The following R3HDM2 variants were observed in gnomAD, a reference collection of about 807,000 sequenced individuals.
The protein encoded by R3HDM2 is R3H domain containing 2, also known as R3H domain-containing protein 2.
In R3HDM2, 38 loss-of-function variants were observed where a neutral mutation model predicts 124.5. That is an observed-to-expected ratio of 0.31 (90% CI 0.24 to 0.40). The LOEUF (loss-of-function observed/expected upper bound fraction) is 0.40. R3HDM2 is among the 10% of genes least tolerant of loss of function. R3HDM2 has a pLI of 1.00. For synonymous variants in R3HDM2, 391 were observed against 448.0 expected, an observed-to-expected ratio of 0.87 and a Z score of 1.61; for missense variants, 869 against 1,236.9, an observed-to-expected ratio of 0.70 and a Z score of 4.46.
At chr12:57,266,553 T>C (rs2042468655) in intron 19 of R3HDM2, among the ~76,000 whole-genome samples, 178 bp downstream of exon 19, 1 of 152,144 alleles carries the variant, frequency 6.6e-6, no homozygotes, top group Non-Finnish European at 1.5e-5. Flanking sequence ...TCTTGAGAGG[T>C]CAGCTTCAGT....
At chr12:57,387,183 C>G (rs922964562) in intron 2 of R3HDM2, among the ~76,000 whole-genome samples, 1 of 152,078 alleles carries the variant, frequency 6.6e-6, no homozygotes, top group Non-Finnish European at 1.5e-5. Context: ...CAGTGGCAAC[C>G]GGCTGGGGTC....
intron 2 of R3HDM2, among the ~76,000 whole-genome samples, chr12:57,322,337 G>A (rs1326836160): frequency 6.6e-6 from 1 of 152,088 alleles, no homozygotes; most frequent in Non-Finnish European, 1.5e-5. Context: ...CAAACAGTAG[G>A]AACAAACATC....
At chr12:57,391,311 A>G (rs899791325) in intron 2 of R3HDM2, among the ~76,000 whole-genome samples, 3 of 152,218 alleles carry the variant, frequency 2.0e-5, no homozygotes, top group Admixed American at 6.5e-5. Flanking sequence ...CAGATAATTA[A>G]GCTAAGTGGG....
intron 2 of R3HDM2, among the ~76,000 whole-genome samples, chr12:57,354,944 C>T (rs1264342033): frequency 1.3e-5 from 2 of 152,096 alleles, no homozygotes; most frequent in East Asian, 3.9e-4. Context: ...CCCACCTCAG[C>T]CTCCTGAGTA....
rs377679428 is a variant in R3HDM2, at chr12:57,310,256, A to G, written c.165+8T>C. The G allele has an allele frequency of 5.9e-5, 90 of 1,517,994 alleles. No individual in the cohort carries two copies. Among genetic ancestry groups the G allele is most frequent in the African/African-American group, 4.4e-4 (31 of 70,524 alleles). The allele number at this position is 1,517,994 out of a possible 1,614,324, so 94.0% of individuals were successfully genotyped here. A position where few individuals can be genotyped will look rare whatever the true frequency, so the allele number is the denominator to read the frequency against. On this transcript the variant is annotated splice_region_variant and intron_variant, in intron 3 of 23. Coordinates refer to ENST00000402412, the MANE Select transcript of R3HDM2 (RefSeq NM_001394031.1). ...AAAGTGTGCATACAATGCATTTCCA[A>G]TCGTTACCTGTGTCTCCTGACGCAA...
chr12:57,408,337 G>C (rs2139212473), intron 1 of R3HDM2, among the ~76,000 whole-genome samples: 1 of 152,240 alleles, frequency 6.6e-6, no homozygotes, highest in South Asian at 2.1e-4. Context: ...AAAGTGCCAG[G>C]ATTATAGGCA....
chr12:57,363,924 A>T (rs972924997), intron 2 of R3HDM2, among the ~76,000 whole-genome samples: 9 of 151,680 alleles, frequency 5.9e-5, no homozygotes, highest in Admixed American at 4.6e-4. Flanking sequence ...CCCAGCCCTA[A>T]GCCACTAATG....
intron 2 of R3HDM2, among the ~76,000 whole-genome samples, chr12:57,388,783 G>A (rs1012535747): frequency 3.3e-5 from 5 of 152,042 alleles, no homozygotes; most frequent in Non-Finnish European, 7.4e-5. Context: ...CTTCCATATG[G>A]AGGGGGAAAA....
Position 57,256,444 on chromosome 12 carries a change from G to A in R3HDM2, c.2517C>T (p.Leu839=). Residue 839 remains leucine (L), a synonymous_variant, in exon 22 of 24, where the codon CTC becomes CTT. Transcript: ENST00000402412. ...QYNLSICPPL[L]HGQSTYTVHQ... ...GCACCGTGTAAGTTGACTGGCCATG[G>A]AGCAAGGGAGGGCAGATGGACAGAT... The A allele has an allele frequency of 6.3e-7, 1 of 1,598,478 alleles. No homozygotes were observed. The highest frequency in any genetic ancestry group is 8.5e-7 in the Non-Finnish European group (1 of 1,172,118).
chr12:57,355,815 C>G (rs2061228201), intron 2 of R3HDM2, among the ~76,000 whole-genome samples: 1 of 152,192 alleles, frequency 6.6e-6, no homozygotes, highest in Non-Finnish European at 1.5e-5. Flanking sequence ...TGTGTCTTGT[C>G]AAATTTAGCC....
At chr12:57,366,522 A>G (rs1460558476) in intron 2 of R3HDM2, among the ~76,000 whole-genome samples, 1 of 152,144 alleles carries the variant, frequency 6.6e-6, no homozygotes, top group African/African-American at 2.4e-5. Context: ...CATTCTCTGA[A>G]TCATTCCTGG....
At chr12:57,303,062 C>A in intron 4 of R3HDM2, 114 bp downstream of exon 4, 2 of 977,516 alleles carry the variant, frequency 2.0e-6, no homozygotes, top group Non-Finnish European at 3.2e-6. Context: ...GTACAGAGTA[C>A]AGGCAAGAAA....
chr12:57,380,781 A>G (rs2064752763), intron 2 of R3HDM2, among the ~76,000 whole-genome samples: 1 of 152,226 alleles, frequency 6.6e-6, no homozygotes, highest in South Asian at 2.1e-4. Context: ...AAAAAAAGAC[A>G]CAAAAGCCAA....
At chr12:57,297,508 A>T in intron 7 of R3HDM2, 121 bp from the exon 8 acceptor site, 2 of 589,550 alleles carry the variant, frequency 3.4e-6, no homozygotes, top group South Asian at 2.4e-5. Flanking sequence ...GTATATATCC[A>T]AACCCAGTAA....
chr12:57,350,714 G>A (rs2060591448), intron 2 of R3HDM2, among the ~76,000 whole-genome samples: 1 of 152,188 alleles, frequency 6.6e-6, no homozygotes, highest in Non-Finnish European at 1.5e-5. Flanking sequence ...CGACACTTTG[G>A]GAGGCCAAAG....
intron 14 of R3HDM2, among the ~76,000 whole-genome samples, chr12:57,273,022 G>A (rs1390988775): frequency 6.6e-6 from 1 of 152,108 alleles, no homozygotes; most frequent in East Asian, 1.9e-4. Context: ...CTGCAGGAAG[G>A]GTCATCCAAG....
intron 11 of R3HDM2, among the ~76,000 whole-genome samples, chr12:57,291,346 T>C (rs1752624524): frequency 6.6e-6 from 1 of 151,680 alleles, no homozygotes. Flanking sequence ...TTCATCTAAG[T>C]ATATTGATTA....
chr12:57,338,481 A>G (rs558244819), intron 2 of R3HDM2, among the ~76,000 whole-genome samples: 1 of 152,258 alleles, frequency 6.6e-6, no homozygotes, highest in East Asian at 1.9e-4. Context: ...TATTGGTTGG[A>G]TATGTTCAAG....
chr12:57,430,411 C>T (rs1869506002), intron 1 of R3HDM2: 1 of 564,274 alleles, frequency 1.8e-6, no homozygotes, highest in Non-Finnish European at 2.2e-6. Context: ...ACACACGGAG[C>T]TAGCCACCCC....
Sources: allele counts gnomAD v4.1 joint callset (sites outside exome capture counted in the v4.1 genomes callset), GRCh38; gene constraint gnomAD v4.1.1; transcripts MANE v1.5; gene names NCBI Gene and HGNC (gene_info 2026-07-23, HGNC 2026-07-21).